Variants in VAV3 observed in about 807,000 individuals in gnomAD.
VAV3 encodes guanine nucleotide exchange factor VAV3.
Under a neutral mutation model 131.2 loss-of-function variants are expected in VAV3, and 94 were observed. The ratio of observed to expected loss-of-function variants is 0.72; its 90% CI spans 0.61 to 0.85. The LOEUF (loss-of-function observed/expected upper bound fraction) is 0.85. Ranked by LOEUF, VAV3 falls within the 40% of genes least tolerant of loss-of-function variation. VAV3 has a pLI of 0.00. For missense variants in VAV3, 939 were observed against 1,002.7 expected (o/e 0.94, Z 0.86); for synonymous variants, 349 against 342.0 (o/e 1.02, Z -0.22).
intron 15 of VAV3, among the ~76,000 whole-genome samples, chr1:107,748,714 TAAGA>T (rs2102054844): frequency 1.3e-5 from 2 of 152,266 alleles, no homozygotes; most frequent in South Asian, 4.1e-4. Flanking sequence ...AACATGCCTA[TAAGA>T]AAGTCAAACA....
At chr1:107,626,392 T>C (rs562686511) in intron 20 of VAV3, among the ~76,000 whole-genome samples, 1 of 152,350 alleles carries the variant, frequency 6.6e-6, no homozygotes, top group African/African-American at 2.4e-5. Context: ...TACTGCCTTT[T>C]TCTCCTTTCC....
chr1:107,662,537 G>A (rs1657096671), intron 19 of VAV3, among the ~76,000 whole-genome samples: 1 of 152,114 alleles, frequency 6.6e-6, no homozygotes, highest in South Asian at 2.1e-4. Context: ...TGTTTTTAGA[G>A]GCCCAATAGT....
intron 19 of VAV3, among the ~76,000 whole-genome samples, chr1:107,648,434 A>G (rs1655902275): frequency 6.6e-6 from 1 of 152,074 alleles, no homozygotes; most frequent in African/African-American, 2.4e-5. Context: ...AAATCCATGC[A>G]AATTTAACAT....
intron 1 of VAV3, among the ~76,000 whole-genome samples, chr1:107,885,841 T>A (rs774091880): frequency 2.0e-5 from 3 of 152,174 alleles, no homozygotes; most frequent in Non-Finnish European, 2.9e-5. Context: ...CTGTCTCTTA[T>A]ATGGCAGACT....
At chr1:107,936,298 C>A (rs1363820417) in intron 1 of VAV3, among the ~76,000 whole-genome samples, 1 of 152,026 alleles carries the variant, frequency 6.6e-6, no homozygotes, top group Non-Finnish European at 1.5e-5. Context: ...GAGGAAAGTG[C>A]ATTTAGCCAA....
At chr1:107,964,324 T>C (rs545726461) in intron 1 of VAV3, 22 of 212,420 alleles carry the variant, frequency 1.0e-4, no homozygotes, top group Non-Finnish European at 1.8e-4. Flanking sequence ...CCCTTCGTTA[T>C]TATAGAAGAG....
chr1:107,765,969 AT>A lies in VAV3; in HGVS notation c.821+477del, dbSNP rs563648665. The stretch of plus-strand genomic sequence containing the variant: ...TCCAATTCCTATAGGTTGTCAGGAG[AT>A]TTTTTTTTAACTTAGAAAGGGAAAC... On this transcript the variant is annotated intron_variant, in intron 8 of 26. Coordinates refer to ENST00000370056, the MANE Select transcript of VAV3 (RefSeq NM_006113.5). 6.4e-4 allele frequency among the ~76,000 whole-genome samples: 97 copies of A among 151,648 alleles called. 1 individual carries two copies. Among genetic ancestry groups the A allele is most frequent in the African/African-American group, 2.2e-3 (89 of 41,370 alleles).
At chr1:107,730,474 C>T (rs1337519905) in intron 15 of VAV3, among the ~76,000 whole-genome samples, 1 of 152,046 alleles carries the variant, frequency 6.6e-6, no homozygotes, top group Non-Finnish European at 1.5e-5. Context: ...ACCACAAAAC[C>T]AAATAAAATC....
chr1:107,947,444 G>A (rs562035833), intron 1 of VAV3, among the ~76,000 whole-genome samples: 1 of 152,300 alleles, frequency 6.6e-6, no homozygotes, highest in Admixed American at 6.5e-5. Context: ...AAGATCAGAG[G>A]ATGGTGTGGG....
intron 22 of VAV3, among the ~76,000 whole-genome samples, chr1:107,607,209 C>T (rs1031114287): frequency 6.6e-6 from 1 of 152,050 alleles, no homozygotes; most frequent in African/African-American, 2.4e-5. Context: ...ACTTCGGCCT[C>T]CCAAAGTGCA....
chr1:107,681,791 C>T (rs1251655701), intron 19 of VAV3, among the ~76,000 whole-genome samples: 6 of 151,734 alleles, frequency 4.0e-5, no homozygotes, highest in Non-Finnish European at 7.4e-5. Flanking sequence ...GTAGCTGGGA[C>T]TACAGGCACC....
chr1:107,909,053 T>C (rs192068715), intron 1 of VAV3, among the ~76,000 whole-genome samples: 30 of 152,332 alleles, frequency 2.0e-4, no homozygotes, highest in African/African-American at 7.0e-4. Flanking sequence ...TTGATGTTCC[T>C]ACAAATAACT....
intron 9 of VAV3, among the ~76,000 whole-genome samples, chr1:107,763,734 T>C (rs1003894151): frequency 3.9e-5 from 6 of 152,136 alleles, no homozygotes; most frequent in African/African-American, 1.4e-4. Flanking sequence ...TCTAGTACAG[T>C]TACTTGGTGG....
chr1:107,728,561 G>GA (rs942115023), intron 15 of VAV3, among the ~76,000 whole-genome samples: 5 of 137,498 alleles, frequency 3.6e-5, no homozygotes, highest in Middle Eastern at 6.9e-3. Context: ...CTGCCCTACA[G>GA]AAAAAATCTT....
At chr1:107,599,733 G>A (rs1651688459) in intron 24 of VAV3, among the ~76,000 whole-genome samples, 1 of 151,468 alleles carries the variant, frequency 6.6e-6, no homozygotes, top group South Asian at 2.1e-4. Context: ...TAATTTAAAA[G>A]AAGCTCTGGA....
At chr1:107,617,657 T>C (rs1287685985) in intron 20 of VAV3, 25 bp from the exon 21 acceptor site, 1 of 1,601,670 alleles carries the variant, frequency 6.2e-7, no homozygotes, top group Non-Finnish European at 8.5e-7. Flanking sequence ...AAAATGCCAG[T>C]GTTGAGAACA....
At chr1:107,842,831 C>A (rs1376083554) in intron 2 of VAV3, among the ~76,000 whole-genome samples, 1 of 151,846 alleles carries the variant, frequency 6.6e-6, no homozygotes, top group African/African-American at 2.4e-5. Flanking sequence ...ATTTTTATAA[C>A]CATAGCTAAG....
chr1:107,945,735 T>C (rs1674223172), intron 1 of VAV3, among the ~76,000 whole-genome samples: 1 of 148,922 alleles, frequency 6.7e-6, no homozygotes. Context: ...GGCGGGAGAA[T>C]CGCTTGAACC....
At chr1:107,928,189 GAACCAC>G (rs111965870) in intron 1 of VAV3, among the ~76,000 whole-genome samples, 1 of 152,148 alleles carries the variant, frequency 6.6e-6, no homozygotes, top group African/African-American at 2.4e-5. Context: ...AACTCTACAA[GAACCAC>G]AGCATTACTG....
Sources: allele counts gnomAD v4.1 joint callset (sites outside exome capture counted in the v4.1 genomes callset), GRCh38; gene constraint gnomAD v4.1.1; transcripts MANE v1.5; gene names NCBI Gene and HGNC (gene_info 2026-07-23, HGNC 2026-07-21).